LRIT3: variants seen among roughly 807,000 people sequenced by gnomAD.
LRIT3 encodes leucine rich repeat, Ig-like and transmembrane domains 3.
LRIT3 carries 14 observed loss-of-function variants against 22.6 expected under a neutral mutation model. The ratio of observed to expected loss-of-function variants is 0.62; its 90% CI spans 0.41 to 0.97. LRIT3 has a LOEUF of 0.97. Ranked by LOEUF, LRIT3 falls within the 50% of genes least tolerant of loss-of-function variation. The probability of loss-of-function intolerance (pLI) is 0.00; values close to 1 mark genes in which losing one functional copy is unlikely to be tolerated. For missense variants in LRIT3, 783 were observed against 803.0 expected (o/e 0.98, Z 0.30); for synonymous variants, 306 against 304.5 (o/e 1.01, Z -0.05).
rs770080366 is a variant in LRIT3, at chr4:109,867,653, A to G, written c.602A>G (p.Asn201Ser). The G allele has an allele frequency of 6.2e-7, 1 of 1,613,762 alleles. No individual in the cohort carries two copies. The highest frequency in any genetic ancestry group is 8.5e-7 in the Non-Finnish European group (1 of 1,179,736). The change falls in exon 3 of 4, where the codon AAT becomes AGT. Residue 201 changes from asparagine (N) to serine (S), a missense_variant. Physicochemically the swap from Asn to Ser is conservative, Grantham distance 46. This residue lies in a region of LRIT3 where 756 missense variants were observed against 753.8 expected (regional missense o/e 1.00). Coordinates refer to ENST00000594814, the MANE Select transcript of LRIT3 (RefSeq NM_198506.5). ...CCTTCTGTTTTAGGTCTACAGGACA[A>G]TCCTTGGTTCTGTGACTGTCATATT... Reference protein sequence around the residue: ...PSRIILGLQDNPWFCDCHISK... With the variant: ...PSRIILGLQDSPWFCDCHISK...
chr4:109,867,488 A>T (rs1560594849), intron 2 of LRIT3, among the ~76,000 whole-genome samples, 153 bp from the exon 3 acceptor site: 1 of 152,156 alleles, frequency 6.6e-6, no homozygotes, highest in East Asian at 1.9e-4. Flanking sequence ...GCTGGATTGC[A>T]GAGCAAAACT....
In LRIT3 at chr4:109,871,748, C is replaced by A. The variant is rs954666885; in HGVS notation, c.*959C>A. The A allele has an allele frequency of 6.6e-6, 1 of 152,062 alleles. No individual in the cohort carries two copies. Among genetic ancestry groups the A allele is most frequent in the Non-Finnish European group, 1.5e-5 (1 of 68,026 alleles). 9.4% of individuals were successfully genotyped at this position (152,062 alleles called of 1,614,324 possible). A position where few individuals can be genotyped will look rare whatever the true frequency, so the allele number is the denominator to read the frequency against. ...CCCTTTGAAAGTCTGTTTTACAACC[C>A]CAAAGGATATTTTAGGACTTTAAAA... On this transcript the variant is annotated 3_prime_UTR_variant, in exon 4 of 4. Coordinates refer to ENST00000594814, the MANE Select transcript of LRIT3 (RefSeq NM_198506.5).
chr4:109,851,962 GC>G lies in LRIT3; in HGVS notation c.576del (p.Ser192ArgfsTer21), dbSNP rs1186664377. On this transcript the variant is annotated frameshift_variant, in exon 2 of 4. Transcript: ENST00000594814. LOFTEE classifies it high-confidence loss of function. ...TCTGGAGTCCTGGACCTTTCCCCAAGCAGGATTATTCTTGGTAAGCTCGCAA... is the reference window on the plus strand; with the variant it reads ...TCTGGAGTCCTGGACCTTTCCCCAAGAGGATTATTCTTGGTAAGCTCGCAA... ...TPSGVLDLSP[S>X]RIILGLQDNP... is the part of the protein sequence containing the mutation. 1 of 1,546,772 alleles carries G rather than the reference GC, an allele frequency of 6.5e-7. No homozygotes were observed. Among genetic ancestry groups the G allele is most frequent in the East Asian group, 2.4e-5 (1 of 40,870 alleles).
At chr4:109,851,109 C>T (rs76173976) in intron 1 of LRIT3, among the ~76,000 whole-genome samples, 8 of 152,122 alleles carry the variant, frequency 5.3e-5, no homozygotes, top group African/African-American at 1.9e-4. Flanking sequence ...AGCTGGGTGA[C>T]CTTGGAAAGT....
In LRIT3 at chr4:109,869,766, T is replaced by C; in HGVS notation, c.1017T>C (p.Ala339=). Reference sequence around the variant, plus strand: ...AAAATCTGGCTGGGATGTCAGAAGCTGTGGTTACTGTGACAGTGCTTGGCA... The same window carrying C: ...AAAATCTGGCTGGGATGTCAGAAGCCGTGGTTACTGTGACAGTGCTTGGCA... ...KAKNLAGMSE[A]VVTVTVLGIT... is the part of the protein sequence containing the mutation. Residue 339 remains alanine (A), a synonymous_variant, in exon 4 of 4, where the codon GCT becomes GCC. Coordinates refer to ENST00000594814, the MANE Select transcript of LRIT3 (RefSeq NM_198506.5). The C allele has an allele frequency of 6.2e-7, 1 of 1,613,908 alleles. No individual in the cohort carries two copies. Among genetic ancestry groups the C allele is most frequent in the Non-Finnish European group, 8.5e-7 (1 of 1,179,774 alleles).
At chr4:109,850,677 A>C (rs1321542948) in intron 1 of LRIT3, among the ~76,000 whole-genome samples, 1 of 151,464 alleles carries the variant, frequency 6.6e-6, no homozygotes, top group Non-Finnish European at 1.5e-5. Context: ...GGGTTTCGTC[A>C]TGTTGGCCAG....
chr4:109,870,364 G>A lies in LRIT3; in HGVS notation c.1615G>A (p.Val539Ile), dbSNP rs754987384. ...LLNADSSKNQ[V>I]TIDGLEPGGQ... is the part of the protein sequence containing the mutation. The stretch of plus-strand genomic sequence containing the variant: ...GAATGCAGACTCCAGCAAGAACCAA[G>A]TAACCATAGATGGCTTGGAACCCGG... Residue 539 changes from valine (V) to isoleucine (I), a missense_variant, in exon 4 of 4, where the codon GTA becomes ATA. By Grantham distance (29) the Val-to-Ile change is conservative. This residue lies in a region of LRIT3 where 756 missense variants were observed against 753.8 expected (regional missense o/e 1.00). Coordinates refer to ENST00000594814, the MANE Select transcript of LRIT3 (RefSeq NM_198506.5). The A allele has an allele frequency of 2.5e-6, 4 of 1,614,200 alleles. No homozygotes were observed. In the South Asian group the frequency reaches 4.4e-5, roughly 18 times the overall value.
At chr4:109,865,750 A>G (rs1179281565) in intron 2 of LRIT3, among the ~76,000 whole-genome samples, 1 of 152,220 alleles carries the variant, frequency 6.6e-6, no homozygotes, top group East Asian at 1.9e-4. Flanking sequence ...ATGCAACTCT[A>G]TGAAAGAACT....
Position 109,851,494 on chromosome 4 carries a change from G to T in LRIT3, c.117-10G>T, listed in dbSNP as rs1456093795. 1.3e-6 allele frequency: 2 copies of T among 1,505,446 alleles called. No individual in the cohort carries two copies. Among genetic ancestry groups the T allele is most frequent in the African/African-American group, 2.8e-5 (2 of 71,176 alleles). 93.3% of individuals were successfully genotyped at this position (1,505,446 alleles called of 1,614,324 possible). A position where few individuals can be genotyped will look rare whatever the true frequency, so the allele number is the denominator to read the frequency against. The stretch of plus-strand genomic sequence containing the variant: ...TGAGTTTCCTCACATTGTTCATGTT[G>T]TGACACTAGGTTGGTGCTATGTAAT... On this transcript the variant is annotated splice_polypyrimidine_tract_variant and intron_variant, in intron 1 of 3. Transcript: ENST00000594814.
intron 2 of LRIT3, among the ~76,000 whole-genome samples, chr4:109,853,880 A>G (rs1023848355): frequency 6.6e-6 from 1 of 152,170 alleles, no homozygotes; most frequent in Non-Finnish European, 1.5e-5. Context: ...AGGTTTGTCA[A>G]AGATCAGATG....
chr4:109,850,401 TCC>T (rs1734191568), intron 1 of LRIT3, among the ~76,000 whole-genome samples: 1 of 2,172 alleles, frequency 4.6e-4, no homozygotes, highest in African/African-American at 9.0e-4. Context: ...CTTCCTTCCT[TCC>T]TTCCTTCCTT....
intron 2 of LRIT3, among the ~76,000 whole-genome samples, chr4:109,859,656 T>A (rs560211431): frequency 2.1e-4 from 32 of 152,294 alleles, no homozygotes; most frequent in Middle Eastern, 3.4e-3. Flanking sequence ...CAGGTGCACC[T>A]CATGCATCCG....
At chr4:109,868,821 C>G (rs1341821164) in intron 3 of LRIT3, among the ~76,000 whole-genome samples, 1 of 151,938 alleles carries the variant, frequency 6.6e-6, no homozygotes, top group Admixed American at 6.6e-5. Context: ...ATAATGAAAC[C>G]TGATGGAAAT....
intron 1 of LRIT3, among the ~76,000 whole-genome samples, chr4:109,849,360 A>G (rs1250003337): frequency 6.6e-6 from 1 of 152,204 alleles, no homozygotes; most frequent in African/African-American, 2.4e-5. Context: ...TATCACAGAA[A>G]TGTTTCCTTC....
In LRIT3 at chr4:109,850,422, C is replaced by CCTTCCTTCCTTCCTTCCTTCCTTCTTT. The variant is rs66553123; in HGVS notation, c.117-1079_117-1078insCCTTCCTTCCTTCCTTCCTTCTTTCTT. ...TCCTTCCTTCCTTCCTTCCTTCCTTCCTTTCTTTCTTTCTTTCTTTCTTTC... is the reference window on the plus strand; with the variant it reads ...TCCTTCCTTCCTTCCTTCCTTCCTTCCTTCCTTCCTTCCTTCCTTCCTTCTTTCTTTCTTTCTTTCTTTCTTTCTTTC... On this transcript the variant is annotated intron_variant, in intron 1 of 3. Coordinates refer to ENST00000594814, the MANE Select transcript of LRIT3 (RefSeq NM_198506.5). Among the ~76,000 whole-genome samples the CCTTCCTTCCTTCCTTCCTTCCTTCTTT allele has an allele frequency of 5.4e-5, 3 of 55,110 alleles. 1 individual carries two copies. Among genetic ancestry groups the CCTTCCTTCCTTCCTTCCTTCCTTCTTT allele is most frequent in the East Asian group, 5.9e-4 (1 of 1,708 alleles). The allele number at this position is 55,110 out of a possible 152,430, so 36.2% of individuals were successfully genotyped here.
intron 2 of LRIT3, among the ~76,000 whole-genome samples, chr4:109,857,936 C>T (rs1361833030): frequency 3.3e-5 from 5 of 150,182 alleles, no homozygotes; most frequent in Non-Finnish European, 5.9e-5. Context: ...AATGAGAGCC[C>T]TGATACCAAG....
At chr4:109,850,414 C>CTTTCTTTCTCTTTCTTTCTTT (rs1560588921) in intron 1 of LRIT3, among the ~76,000 whole-genome samples, 2 of 11,764 alleles carry the variant, frequency 1.7e-4, no homozygotes, top group South Asian at 3.9e-3. Flanking sequence ...TTCCTTCCTT[C>CTTTCTTTCTCTTTCTTTCTTT]CTTCCTTCCT....
intron 1 of LRIT3, among the ~76,000 whole-genome samples, chr4:109,850,652 T>C (rs1486627838): frequency 1.3e-5 from 2 of 151,552 alleles, no homozygotes; most frequent in African/African-American, 2.4e-5. Context: ...AATTTTTGTA[T>C]TTTTAGTGGA....
In LRIT3 at chr4:109,851,814, A is replaced by G; in HGVS notation, c.427A>G (p.Ser143Gly). 6.4e-7 allele frequency: 1 copy of G among 1,551,700 alleles called. No homozygotes were observed. Among genetic ancestry groups the G allele is most frequent in the Non-Finnish European group, 8.7e-7 (1 of 1,146,996 alleles). ...TLDLHNNKIT[S>G]VPNEALRYLK... ...GGACTTGCACAATAACAAAATAACC[A>G]GTGTGCCAAATGAGGCGCTCAGGTA... The change falls in exon 2 of 4, where the codon AGT (serine) becomes GGT (glycine). Residue 143 changes from serine (S) to glycine (G), a missense_variant. Around this residue, in one of 2 missense-constraint regions of LRIT3, gnomAD observed 756 missense variants for 753.8 expected, o/e 1.00. Coordinates refer to ENST00000594814, the MANE Select transcript of LRIT3 (RefSeq NM_198506.5).
Sources: allele counts gnomAD v4.1 joint callset (sites outside exome capture counted in the v4.1 genomes callset), GRCh38; gene constraint gnomAD v4.1.1; regional missense constraint gnomAD v4.1.1; transcripts MANE v1.5; gene names NCBI Gene and HGNC (gene_info 2026-07-23, HGNC 2026-07-21).